Variants in PLA2G4E observed in about 807,000 individuals in gnomAD.
PLA2G4E encodes phospholipase A2 group IVE.
Under a neutral mutation model 109.1 loss-of-function variants are expected in PLA2G4E, and 84 were observed. The observed-to-expected ratio is 0.77, with a 90% CI of 0.65 to 0.92. PLA2G4E has a LOEUF of 0.92. PLA2G4E is among the 40% of genes least tolerant of loss of function. The probability of loss-of-function intolerance (pLI) is 0.00; values close to 1 mark genes in which losing one functional copy is unlikely to be tolerated. For missense variants in PLA2G4E, 1,057 were observed against 1,076.6 expected (o/e 0.98, Z 0.25); for synonymous variants, 469 against 436.1 (o/e 1.08, Z -0.94).
rs1468669531 is a variant in PLA2G4E, at chr15:42,004,386, AAGGG to A, written c.566+548_566+551del. On this transcript the variant is annotated intron_variant, in intron 5 of 19. Transcript: ENST00000399518. ...AGGGAGAAAGGGAGAAAAAGGGAGGAAGGGAGGGAGGGAGGGAGGAAAGAAGGAA... is the reference window on the plus strand; with the variant it reads ...AGGGAGAAAGGGAGAAAAAGGGAGGAAGGGAGGGAGGGAGGAAAGAAGGAA... Among the ~76,000 whole-genome samples the A allele has an allele frequency of 7.5e-5, 10 of 132,626 alleles. No individual in the cohort carries two copies. The South Asian group carries it at 7.9e-4, about 11-fold the overall frequency. The allele number at this position is 132,626 out of a possible 152,430, so 87.0% of individuals were successfully genotyped here. A position where few individuals can be genotyped will look rare whatever the true frequency, so the allele number is the denominator to read the frequency against.
In PLA2G4E at chr15:41,988,243, C is replaced by A. The variant is rs571022972; in HGVS notation, c.1724-87G>T. Reference sequence around the variant, plus strand: ...TGATTCCCCACTCCCCCCACCCCCCCACCCCACGCAAGCCAGGCTGCTCCA... The same window carrying A: ...TGATTCCCCACTCCCCCCACCCCCCAACCCCACGCAAGCCAGGCTGCTCCA... On this transcript the variant is annotated intron_variant, in intron 15 of 19. Transcript: ENST00000399518. 352 of 875,416 alleles carry A rather than the reference C, an allele frequency of 4.0e-4. 2 individuals are homozygous for A. The African/African-American group carries it at 4.5e-3, about 11-fold the overall frequency. The allele number at this position is 875,416 out of a possible 1,614,324, so 54.2% of individuals were successfully genotyped here.
chr15:41,986,024 C>A lies in PLA2G4E; in HGVS notation c.2036-19G>T, dbSNP rs373933382. Reference sequence around the variant, plus strand: ...ACTGTGTCTGAAAGCCAAGCCTTCCCGTTACCAACACACCTGGTGCCCTGA... The same window carrying A: ...ACTGTGTCTGAAAGCCAAGCCTTCCAGTTACCAACACACCTGGTGCCCTGA... On this transcript the variant is annotated intron_variant, in intron 17 of 19. Transcript: ENST00000399518. 1.3e-6 allele frequency: 2 copies of A among 1,576,076 alleles called. No individual in the cohort carries two copies. Among genetic ancestry groups the A allele is most frequent in the Non-Finnish European group, 1.7e-6 (2 of 1,159,442 alleles).
intron 12 of PLA2G4E, among the ~76,000 whole-genome samples, chr15:41,994,695 C>T (rs1021684189): frequency 7.2e-5 from 11 of 151,966 alleles, no homozygotes; most frequent in African/African-American, 1.7e-4. Context: ...ATATTTCATG[C>T]TGGCCACATA....
chr15:41,990,337 C>T (rs992039541), intron 13 of PLA2G4E, 102 bp from the exon 14 acceptor site: 2 of 1,017,578 alleles, frequency 2.0e-6, no homozygotes, highest in African/African-American at 1.6e-5. Flanking sequence ...CACTTCCTGG[C>T]TCCTGAGCTC....
At chr15:42,002,005 T>C (rs1241793817) in intron 6 of PLA2G4E, among the ~76,000 whole-genome samples, 1 of 152,110 alleles carries the variant, frequency 6.6e-6, no homozygotes, top group Non-Finnish European at 1.5e-5. Context: ...GAAACAATTT[T>C]TAATACAGAA....
chr15:42,044,380 G>T (rs1319202442), intron 1 of PLA2G4E, among the ~76,000 whole-genome samples: 1 of 152,106 alleles, frequency 6.6e-6, no homozygotes, highest in African/African-American at 2.4e-5. Flanking sequence ...AGGCGTTGAG[G>T]AGTGGAAAAG....
chr15:42,019,856 C>A (rs2141064060), intron 1 of PLA2G4E, among the ~76,000 whole-genome samples: 1 of 152,356 alleles, frequency 6.6e-6, no homozygotes, highest in Admixed American at 6.5e-5. Flanking sequence ...GGGGCAGATG[C>A]AGCTCATGGA....
At chr15:42,031,950 G>C (rs1249633933) in intron 1 of PLA2G4E, among the ~76,000 whole-genome samples, 4 of 152,190 alleles carry the variant, frequency 2.6e-5, no homozygotes, top group Admixed American at 2.6e-4. Flanking sequence ...GGAAGTATTT[G>C]GGTCATGGGG....
intron 1 of PLA2G4E, among the ~76,000 whole-genome samples, chr15:42,035,459 G>A (rs865872542): frequency 2.0e-5 from 3 of 152,284 alleles, no homozygotes; most frequent in South Asian, 2.1e-4. Flanking sequence ...ACTCACCCTC[G>A]TTCTCCTGCT....
chr15:41,992,611 C>G, intron 13 of PLA2G4E, 126 bp downstream of exon 13: 1 of 903,874 alleles, frequency 1.1e-6, no homozygotes. Context: ...TCTTCCAGCC[C>G]AAGGATACTC....
intron 19 of PLA2G4E, 47 bp downstream of exon 19, chr15:41,984,389 G>C (rs778564303): frequency 1.3e-6 from 2 of 1,552,204 alleles, no homozygotes; most frequent in Non-Finnish European, 1.8e-6. Context: ...AGGCATTCCC[G>C]GGCCAAGGGC....
At chr15:42,012,299 C>T (rs1296811395) in intron 2 of PLA2G4E, among the ~76,000 whole-genome samples, 1 of 152,226 alleles carries the variant, frequency 6.6e-6, no homozygotes, top group Non-Finnish European at 1.5e-5. Flanking sequence ...GGTACCCCAA[C>T]ACTTTGAAGG....
intron 1 of PLA2G4E, among the ~76,000 whole-genome samples, chr15:42,026,849 T>TAGA (rs2068696767): frequency 6.6e-6 from 1 of 151,640 alleles, no homozygotes; most frequent in Non-Finnish European, 1.5e-5. Context: ...GGTGGGTGCC[T>TAGA]AGAATCCCAG....
At chr15:41,993,747 G>T (rs539438911) in intron 12 of PLA2G4E, among the ~76,000 whole-genome samples, 1 of 152,020 alleles carries the variant, frequency 6.6e-6, no homozygotes, top group Admixed American at 6.5e-5. Context: ...AGGAAACAGG[G>T]GCCTCCTCCC....
chr15:42,049,977 G>A (rs1231809910), intron 1 of PLA2G4E, among the ~76,000 whole-genome samples: 3 of 152,226 alleles, frequency 2.0e-5, no homozygotes, highest in Non-Finnish European at 4.4e-5. Context: ...GCTCATAGGT[G>A]GGGTTTGCGA....
chr15:42,001,129 A>T (rs572647228), intron 7 of PLA2G4E, 28 bp downstream of exon 7: 1 of 1,594,114 alleles, frequency 6.3e-7, no homozygotes, highest in Non-Finnish European at 8.6e-7. Context: ...CTTGTCCCCC[A>T]GTAGGCAGAA....
At chr15:42,014,987 CG>C (rs1361907959) in intron 1 of PLA2G4E, among the ~76,000 whole-genome samples, 1 of 152,262 alleles carries the variant, frequency 6.6e-6, no homozygotes. Context: ...CCTGCTCACG[CG>C]GTGCTGATGG....
chr15:41,985,628 C>T (rs2068127740), intron 18 of PLA2G4E, among the ~76,000 whole-genome samples: 1 of 152,270 alleles, frequency 6.6e-6, no homozygotes, highest in South Asian at 2.1e-4. Context: ...GCTAAGTCAA[C>T]ATGGGCACCA....
intron 14 of PLA2G4E, 116 bp downstream of exon 14, chr15:41,990,005 A>C: frequency 2.5e-6 from 2 of 803,984 alleles, no homozygotes; most frequent in South Asian, 1.5e-5. Context: ...CACAGTCTGG[A>C]TGTAGAGGTT....
Sources: gnomAD v4.1 joint callset for allele counts (sites outside exome capture counted in the v4.1 genomes callset) on GRCh38, gnomAD v4.1.1 for gene constraint, MANE v1.5 for transcripts, NCBI Gene and HGNC (gene_info 2026-07-23, HGNC 2026-07-21) for gene names.